The following SLC24A2 variants were observed in gnomAD, a reference collection of about 807,000 sequenced individuals.
The protein encoded by SLC24A2 is solute carrier family 24 member 2.
In SLC24A2, 36 loss-of-function variants were observed where a neutral mutation model predicts 62.0. The observed-to-expected ratio is 0.58, with a 90% CI of 0.44 to 0.77. The LOEUF is 0.77. Among genes scored for constraint, SLC24A2 ranks in the 30% least tolerant of loss-of-function variants. The pLI is 0.00. For missense variants in SLC24A2, 846 were observed against 817.9 expected (o/e 1.03, Z -0.42); for synonymous variants, 358 against 294.0 (o/e 1.22, Z -2.23).
the SLC24A2 span, among the ~76,000 whole-genome samples, chr9:19,898,579 A>G: frequency 6.6e-6 from 1 of 152,096 alleles, no homozygotes; most frequent in African/African-American, 2.4e-5. Flanking sequence ...CATCTCTACT[A>G]AAAATACAAA....
chr9:20,028,646 C>T, the SLC24A2 span, among the ~76,000 whole-genome samples: 2 of 152,174 alleles, frequency 1.3e-5, no homozygotes, highest in South Asian at 2.1e-4. Context: ...TCTGCCCCCG[C>T]CTTGCAGAGC....
chr9:19,550,098 T>C (rs1252593763), intron 8 of SLC24A2, 39 bp downstream of exon 8: 7 of 1,602,990 alleles, frequency 4.4e-6, no homozygotes, highest in Admixed American at 1.7e-5. Context: ...ATGTACCATA[T>C]GTTTTACAAG....
the SLC24A2 span, among the ~76,000 whole-genome samples, chr9:20,248,775 A>G: frequency 6.1e-4 from 93 of 152,342 alleles, no homozygotes; most frequent in Admixed American, 3.1e-3. Flanking sequence ...TAACTATCCA[A>G]CTGCAAATCC....
rs539524387 is a variant in SLC24A2 at position 19,623,101 on chromosome 9, G to A, written c.931-802C>T. ...GGGGGCAGTGGAATTCTACCGACAT[G>A]ACCCACCTGGACAGCTTTTACTTCC... On this transcript the variant is annotated intron_variant, in intron 2 of 10. Coordinates refer to ENST00000341998, the MANE Select transcript of SLC24A2 (RefSeq NM_020344.4). Among the ~76,000 whole-genome samples the A allele has an allele frequency of 2.6e-5, 4 of 152,286 alleles. No homozygotes were observed. The South Asian group carries it at 8.3e-4, about 32-fold the overall frequency.
chr9:20,294,896 T>A, the SLC24A2 span, among the ~76,000 whole-genome samples: 1 of 152,108 alleles, frequency 6.6e-6, no homozygotes, highest in South Asian at 2.1e-4. Context: ...AGGTCACATT[T>A]GTACCACTCT....
chr9:20,051,792 C>G, the SLC24A2 span, among the ~76,000 whole-genome samples: 2 of 149,704 alleles, frequency 1.3e-5, no homozygotes, highest in Non-Finnish European at 3.0e-5. Flanking sequence ...TTTTAGGACT[C>G]GAACACTAGA....
At chr9:20,102,230 G>A in the SLC24A2 span, among the ~76,000 whole-genome samples, 2 of 152,106 alleles carry the variant, frequency 1.3e-5, no homozygotes, top group East Asian at 1.9e-4. Flanking sequence ...CTAAGAGAGA[G>A]ACTAGATTTT....
At chr9:19,878,377 T>C in the SLC24A2 span, among the ~76,000 whole-genome samples, 1 of 152,292 alleles carries the variant, frequency 6.6e-6, no homozygotes, top group Non-Finnish European at 1.5e-5. Flanking sequence ...CTTGGATTTT[T>C]AAAAAATTAA....
the SLC24A2 span, among the ~76,000 whole-genome samples, chr9:20,302,126 T>A: frequency 6.6e-6 from 1 of 152,240 alleles, no homozygotes; most frequent in African/African-American, 2.4e-5. Context: ...CGTTTATTTA[T>A]CTATTCACCT....
chr9:19,689,295 C>G (rs1050481603), intron 2 of SLC24A2, among the ~76,000 whole-genome samples: 2 of 152,068 alleles, frequency 1.3e-5, no homozygotes, highest in Non-Finnish European at 2.9e-5. Context: ...AATAAATCAG[C>G]CATTTATTCT....
chr9:19,512,623 G>C lies in SLC24A2; in HGVS notation c.*3530C>G, dbSNP rs2132609095. 1 of 152,342 alleles carries C rather than the reference G, an allele frequency of 6.6e-6. No homozygotes were observed. The highest frequency in any genetic ancestry group is 2.1e-4 in the South Asian group (1 of 4,828). The allele number at this position is 152,342 out of a possible 1,614,324, so 9.4% of individuals were successfully genotyped here. On this transcript the variant is annotated 3_prime_UTR_variant, in exon 11 of 11. Coordinates refer to ENST00000341998, the MANE Select transcript of SLC24A2 (RefSeq NM_020344.4). ...GTTTCTATTTGGGAATTGTCAGTTT[G>C]AGCCAAGCTGCTCTGCTGCCTTGGA... is the stretch of plus-strand genomic sequence containing the variant.
At chr9:19,590,834 C>G (rs188236322) in intron 5 of SLC24A2, among the ~76,000 whole-genome samples, 2 of 152,276 alleles carry the variant, frequency 1.3e-5, no homozygotes, top group East Asian at 3.9e-4. Flanking sequence ...GTCAAAAAAC[C>G]CCCAATTTGA....
chr9:20,044,765 G>A, the SLC24A2 span, among the ~76,000 whole-genome samples: 5 of 152,088 alleles, frequency 3.3e-5, no homozygotes, highest in African/African-American at 1.2e-4. Context: ...TTGTTTCTTT[G>A]TATATAGGCC....
At chr9:20,221,880 T>C in the SLC24A2 span, among the ~76,000 whole-genome samples, 1 of 152,060 alleles carries the variant, frequency 6.6e-6, no homozygotes, top group Admixed American at 6.6e-5. Flanking sequence ...ACTTTGAGTA[T>C]TTATTGCCCA....
chr9:20,273,669 A>C, the SLC24A2 span, among the ~76,000 whole-genome samples: 1 of 152,168 alleles, frequency 6.6e-6, no homozygotes, highest in East Asian at 1.9e-4. Flanking sequence ...AGCCACATGG[A>C]ACTGTAAGTC....
the SLC24A2 span, among the ~76,000 whole-genome samples, chr9:20,244,042 C>A: frequency 6.6e-6 from 1 of 152,166 alleles, no homozygotes; most frequent in Non-Finnish European, 1.5e-5. Context: ...CTGGCTTCAG[C>A]AGGGCAGCCC....
the SLC24A2 span, among the ~76,000 whole-genome samples, chr9:20,016,690 G>A: frequency 1.3e-5 from 2 of 152,254 alleles, no homozygotes; most frequent in South Asian, 4.1e-4. Flanking sequence ...TTCAGCAACT[G>A]ATTTGTTGAC....
intron 8 of SLC24A2, among the ~76,000 whole-genome samples, chr9:19,543,228 A>G (rs902375302): frequency 6.6e-6 from 1 of 152,174 alleles, no homozygotes; most frequent in African/African-American, 2.4e-5. Context: ...AGGTGTTTAT[A>G]GTATTCTCTG....
the SLC24A2 span, among the ~76,000 whole-genome samples, chr9:20,037,488 G>A: frequency 6.6e-6 from 1 of 152,288 alleles, no homozygotes; most frequent in African/African-American, 2.4e-5. Context: ...GAATAGTGCT[G>A]CAATATATAT....
Sources: allele counts gnomAD v4.1 joint callset (sites outside exome capture counted in the v4.1 genomes callset), GRCh38; gene constraint gnomAD v4.1.1; transcripts MANE v1.5; gene names NCBI Gene and HGNC (gene_info 2026-07-23, HGNC 2026-07-21).